Variants in SESN3 observed in about 807,000 individuals in gnomAD.
The protein encoded by SESN3 is sestrin-3.
Under a neutral mutation model 55.3 loss-of-function variants are expected in SESN3, and 21 were observed. The observed-to-expected ratio is 0.38, with a 90% CI of 0.27 to 0.55. The LOEUF is 0.55. SESN3 is among the 20% of genes least tolerant of loss of function. SESN3 has a pLI of 0.76. For synonymous variants in SESN3, 181 were observed against 203.1 expected (o/e 0.89, Z 0.93); for missense variants, 408 against 604.3 (o/e 0.68, Z 3.41).
At chr11:95,219,462 G>C (rs1228827910) in intron 1 of SESN3, among the ~76,000 whole-genome samples, 5 of 152,086 alleles carry the variant, frequency 3.3e-5, no homozygotes, top group African/African-American at 1.2e-4. Flanking sequence ...GGTAAAACAT[G>C]ATTTCTTTTT....
intron 6 of SESN3, among the ~76,000 whole-genome samples, chr11:95,181,620 A>G (rs1350291917): frequency 6.6e-6 from 1 of 152,126 alleles, no homozygotes; most frequent in East Asian, 1.9e-4. Flanking sequence ...GCGTAACTGA[A>G]AATACAAAAA....
chr11:95,191,684 G>A (rs1371191867), intron 2 of SESN3, 83 bp from the exon 3 acceptor site: 1 of 952,632 alleles, frequency 1.0e-6, no homozygotes, highest in Non-Finnish European at 1.6e-6. Flanking sequence ...CACTATTGAA[G>A]CAAATGAATA....
intron 4 of SESN3, among the ~76,000 whole-genome samples, chr11:95,186,571 C>T (rs1401160271): frequency 1.3e-5 from 2 of 151,688 alleles, no homozygotes; most frequent in East Asian, 1.9e-4. Context: ...CTATAGTTAA[C>T]AATAACATAC....
At chr11:95,188,225 G>A (rs1860202975) in intron 4 of SESN3, among the ~76,000 whole-genome samples, 2 of 151,566 alleles carry the variant, frequency 1.3e-5, no homozygotes, top group Admixed American at 1.3e-4. Flanking sequence ...AATTGGGAAA[G>A]GTCCAACCCC....
At position 95,222,937 on chromosome 11, in the gene SESN3, G is replaced by A. The variant is rs535817089; in HGVS notation, c.78+7846C>T. Among the ~76,000 whole-genome samples the A allele has an allele frequency of 5.3e-5, 8 of 152,250 alleles. No homozygotes were observed. In the East Asian group the frequency reaches 1.3e-3, roughly 26 times the overall value. On this transcript the variant is annotated intron_variant, in intron 1 of 9. Coordinates refer to ENST00000536441, the MANE Select transcript of SESN3 (RefSeq NM_144665.4). The stretch of plus-strand genomic sequence containing the variant: ...TGACTAAACGTTTTGACTTGGTAGT[G>A]TATTTACTTTATATAGTGAATTCCA...
At chr11:95,193,374 T>C in intron 2 of SESN3, 83 bp downstream of exon 2, 1 of 812,454 alleles carries the variant, frequency 1.2e-6, no homozygotes, top group South Asian at 1.5e-5. Context: ...CATTCCTACT[T>C]TCATATTAAC....
At chr11:95,191,651 C>A (rs773863996) in intron 2 of SESN3, 50 bp from the exon 3 acceptor site, 3 of 1,422,098 alleles carry the variant, frequency 2.1e-6, no homozygotes, top group African/African-American at 1.4e-5. Context: ...CATAAACACA[C>A]CCTTGGTTTA....
At chr11:95,206,668 T>A (rs572087735) in intron 1 of SESN3, among the ~76,000 whole-genome samples, 2 of 152,202 alleles carry the variant, frequency 1.3e-5, no homozygotes, top group African/African-American at 2.4e-5. Flanking sequence ...TCTTTCTTTT[T>A]TAAGTAACTT....
intron 4 of SESN3, among the ~76,000 whole-genome samples, chr11:95,189,006 T>G (rs145679734): frequency 1.3e-5 from 2 of 152,030 alleles, no homozygotes; most frequent in East Asian, 3.9e-4. Flanking sequence ...ATGCTATGTT[T>G]GGTTGAAAGG....
chr11:95,169,778 A>T lies in SESN3; in HGVS notation c.*3477T>A, dbSNP rs927775878. The stretch of plus-strand genomic sequence containing the variant: ...CACAGAAATCTAAGATTTTGGATTT[A>T]AAAAAAAACTTTATAAGGGGGAAAA... On this transcript the variant is annotated 3_prime_UTR_variant, in exon 10 of 10. Coordinates refer to ENST00000536441, the MANE Select transcript of SESN3 (RefSeq NM_144665.4). 1.7e-4 allele frequency: 25 copies of T among 151,038 alleles called. No homozygotes were observed. Among genetic ancestry groups the T allele is most frequent in the African/African-American group, 2.4e-4 (10 of 41,282 alleles). The allele number at this position is 151,038 out of a possible 1,614,324, so 9.4% of individuals were successfully genotyped here.
At chr11:95,218,572 T>C (rs777399391) in intron 1 of SESN3, among the ~76,000 whole-genome samples, 27 of 151,110 alleles carry the variant, frequency 1.8e-4, no homozygotes, top group Non-Finnish European at 2.9e-4. Context: ...CTGATAAGCA[T>C]AAAATAGCAA....
At chr11:95,224,676 T>C (rs1056642819) in intron 1 of SESN3, among the ~76,000 whole-genome samples, 1 of 152,224 alleles carries the variant, frequency 6.6e-6, no homozygotes, top group African/African-American at 2.4e-5. Flanking sequence ...GCTTTAAGGC[T>C]ACTGGTGACA....
intron 1 of SESN3, among the ~76,000 whole-genome samples, chr11:95,219,757 A>AT (rs34154515): frequency 0.24 from 36,552 of 150,100 alleles, 4,709 homozygotes; most frequent in East Asian, 0.38. Context: ...ATTGAAAAAT[A>AT]TTTTTTTTTT....
At chr11:95,188,831 C>A (rs548289527) in intron 4 of SESN3, among the ~76,000 whole-genome samples, 97 of 151,912 alleles carry the variant, frequency 6.4e-4, no homozygotes, top group African/African-American at 2.3e-3. Flanking sequence ...TCTTTACCCA[C>A]CAAAGTATCT....
chr11:95,201,781 GCAAGTGA>G (rs1295402163), intron 1 of SESN3, among the ~76,000 whole-genome samples: 1 of 152,038 alleles, frequency 6.6e-6, no homozygotes, highest in African/African-American at 2.4e-5. Flanking sequence ...TCACCCAGAG[GCAAGTGA>G]CAAAGAACAC....
At chr11:95,210,323 C>T (rs114959180) in intron 1 of SESN3, among the ~76,000 whole-genome samples, 1,699 of 152,184 alleles carry the variant, frequency 0.011, 40 homozygotes, top group African/African-American at 0.039. Context: ...CAAACCTGCA[C>T]GTTCTTCTTG....
At chr11:95,187,792 G>A (rs1860193764) in intron 4 of SESN3, among the ~76,000 whole-genome samples, 1 of 151,672 alleles carries the variant, frequency 6.6e-6, no homozygotes, top group African/African-American at 2.4e-5. Context: ...TTTATCTTGA[G>A]TTACAGACCT....
intron 1 of SESN3, 65 bp from the exon 2 acceptor site, chr11:95,193,587 C>T (rs1860307125): frequency 1.2e-6 from 1 of 867,338 alleles, no homozygotes; most frequent in Admixed American, 1.9e-5. Flanking sequence ...AATTTGTACA[C>T]ATTTATTGCT....
At chr11:95,183,915 T>C (rs985698512) in intron 6 of SESN3, among the ~76,000 whole-genome samples, 3 of 152,116 alleles carry the variant, frequency 2.0e-5, no homozygotes, top group African/African-American at 7.2e-5. Context: ...AAATTCAGTC[T>C]AAGAAAATGA....
Sources: allele counts gnomAD v4.1 joint callset (sites outside exome capture counted in the v4.1 genomes callset), GRCh38; gene constraint gnomAD v4.1.1; transcripts MANE v1.5; gene names NCBI Gene and HGNC (gene_info 2026-07-23, HGNC 2026-07-21).